The following LTBP1 variants were observed in gnomAD, a reference collection of about 807,000 sequenced individuals.
The protein encoded by LTBP1 is latent-transforming growth factor beta-binding protein 1.
A neutral mutation model predicts 207.6 loss-of-function variants in LTBP1; 129 were observed. That is an observed-to-expected ratio of 0.62 (90% CI 0.54 to 0.72). The LOEUF (loss-of-function observed/expected upper bound fraction) is 0.72. Among genes scored for constraint, LTBP1 ranks in the 30% least tolerant of loss-of-function variants. LTBP1 has a pLI of 0.00. For missense variants in LTBP1, 2,281 were observed against 2,217.2 expected (o/e 1.03, Z -0.58); for synonymous variants, 963 against 833.7 (o/e 1.16, Z -2.67).
chr2:33,309,762 G>A (rs1032632725), intron 23 of LTBP1, among the ~76,000 whole-genome samples: 2 of 152,174 alleles, frequency 1.3e-5, no homozygotes, highest in Non-Finnish European at 2.9e-5. Context: ...AAACTCACAC[G>A]AGTAAGAGCT....
intron 3 of LTBP1, among the ~76,000 whole-genome samples, chr2:33,055,190 G>A (rs1437687717): frequency 6.6e-6 from 1 of 152,106 alleles, no homozygotes. Flanking sequence ...TTTGTTCAGG[G>A]CCCAGGGCTT....
intron 5 of LTBP1, among the ~76,000 whole-genome samples, chr2:33,142,101 G>T (rs2150782130): frequency 6.6e-6 from 1 of 152,168 alleles, no homozygotes; most frequent in South Asian, 2.1e-4. Flanking sequence ...TCCCAGGCTG[G>T]AGTGCAGTGG....
At chr2:33,323,721 T>C (rs1478957010) in intron 24 of LTBP1, among the ~76,000 whole-genome samples, 2 of 152,164 alleles carry the variant, frequency 1.3e-5, no homozygotes, top group Non-Finnish European at 2.9e-5. Flanking sequence ...ATTTGGCAAA[T>C]GAATCAAGGG....
intron 3 of LTBP1, among the ~76,000 whole-genome samples, chr2:33,057,294 A>C (rs186367847): frequency 1.3e-5 from 2 of 152,136 alleles, no homozygotes; most frequent in African/African-American, 2.4e-5. Context: ...TCATTGGTGT[A>C]TTTACAATCC....
rs149067144 is a variant in LTBP1 at position 33,027,692 on chromosome 2, C to T, written c.863+6486C>T. On this transcript the variant is annotated intron_variant, in intron 3 of 33. Coordinates refer to ENST00000404816, the MANE Select transcript of LTBP1 (RefSeq NM_206943.4). ...CTACTAAAAAAAATACAAAAATTAGCGGGGCGTGGTGGCATGCGCCTGTAG... is the reference window on the plus strand; with the variant it reads ...CTACTAAAAAAAATACAAAAATTAGTGGGGCGTGGTGGCATGCGCCTGTAG... Among the ~76,000 whole-genome samples the T allele has an allele frequency of 7.1e-3, 1,076 of 152,104 alleles. 10 individuals are homozygous for T. The highest frequency in any genetic ancestry group is 0.024 in the African/African-American group (1,014 of 41,480).
At chr2:33,261,746 T>C (rs1011807507) in intron 13 of LTBP1, among the ~76,000 whole-genome samples, 5 of 152,332 alleles carry the variant, frequency 3.3e-5, no homozygotes, top group Admixed American at 3.3e-4. Flanking sequence ...GTGGGATATC[T>C]AAATGGACTT....
intron 3 of LTBP1, among the ~76,000 whole-genome samples, chr2:33,023,184 A>C (rs2075257168): frequency 2.6e-5 from 4 of 152,212 alleles, no homozygotes; most frequent in Admixed American, 2.6e-4. Context: ...TTGGCGATCA[A>C]GAGTCAGATT....
intron 3 of LTBP1, among the ~76,000 whole-genome samples, chr2:33,047,422 G>A (rs776936467): frequency 3.9e-5 from 6 of 152,192 alleles, no homozygotes; most frequent in Non-Finnish European, 5.9e-5. Flanking sequence ...TAGTTGTGCG[G>A]TTTTGAGTGA....
At chr2:33,003,319 T>C (rs1299034557) in intron 2 of LTBP1, among the ~76,000 whole-genome samples, 1 of 152,236 alleles carries the variant, frequency 6.6e-6, no homozygotes, top group African/African-American at 2.4e-5. Flanking sequence ...CTAACTTCAC[T>C]CCCTGCTTTG....
chr2:32,975,621 T>TTTTTTTG (rs1558461916), intron 2 of LTBP1, among the ~76,000 whole-genome samples: 2 of 87,070 alleles, frequency 2.3e-5, no homozygotes, highest in African/African-American at 8.2e-5. Context: ...TTTTTTTTTT[T>TTTTTTTG]GTCTGACTGG....
chr2:33,192,043 T>C (rs4670928), intron 7 of LTBP1, among the ~76,000 whole-genome samples: 67,962 of 151,854 alleles, frequency 0.45, 15,834 homozygotes, highest in Non-Finnish European at 0.5. Flanking sequence ...GGATGATTGA[T>C]GAGGAAACCA....
intron 7 of LTBP1, among the ~76,000 whole-genome samples, chr2:33,192,121 A>G (rs1396841062): frequency 6.6e-6 from 1 of 152,170 alleles, no homozygotes; most frequent in Non-Finnish European, 1.5e-5. Flanking sequence ...ATGGGCAGGG[A>G]AGAGTTGTCA....
intron 3 of LTBP1, among the ~76,000 whole-genome samples, chr2:33,108,504 C>T (rs754362526): frequency 6.6e-6 from 1 of 152,022 alleles, no homozygotes; most frequent in Non-Finnish European, 1.5e-5. Flanking sequence ...AGGGCCCGTC[C>T]ACATGTATGC....
chr2:33,083,340 T>A (rs919157876), intron 3 of LTBP1, among the ~76,000 whole-genome samples: 51 of 151,876 alleles, frequency 3.4e-4, no homozygotes, highest in African/African-American at 1.2e-3. Flanking sequence ...GAAAAAAAAA[T>A]TAGATCATTT....
chr2:33,083,424 G>GTT (rs1187470785), intron 3 of LTBP1, among the ~76,000 whole-genome samples: 1 of 152,118 alleles, frequency 6.6e-6, no homozygotes, highest in Non-Finnish European at 1.5e-5. Flanking sequence ...AGGAGTCCAG[G>GTT]CTTCACTGGG....
rs562321534 is a variant in LTBP1 at position 33,389,045 on chromosome 2, C to T, written c.4712-139C>T. 20 of 1,187,632 alleles carry T rather than the reference C, an allele frequency of 1.7e-5. No individual in the cohort carries two copies. In the Middle Eastern group the frequency reaches 8.6e-4, roughly 51 times the overall value. The allele number at this position is 1,187,632 out of a possible 1,614,324, so 73.6% of individuals were successfully genotyped here. A position where few individuals can be genotyped will look rare whatever the true frequency, so the allele number is the denominator to read the frequency against. Reference sequence around the variant, plus strand: ...CCATCAAAAGATATTCAGACACTTTCCAGGCTCAGTGGTACGCAGGAGATG... The same window carrying T: ...CCATCAAAAGATATTCAGACACTTTTCAGGCTCAGTGGTACGCAGGAGATG... On this transcript the variant is annotated intron_variant, in intron 31 of 33. Coordinates refer to ENST00000404816, the MANE Select transcript of LTBP1 (RefSeq NM_206943.4).
chr2:33,330,108 C>G (rs973487465), intron 24 of LTBP1, among the ~76,000 whole-genome samples: 1 of 151,912 alleles, frequency 6.6e-6, no homozygotes, highest in African/African-American at 2.4e-5. Flanking sequence ...AGACTTATTC[C>G]TAGGTCTTCA....
rs1219686969 is a variant in LTBP1, at chr2:33,175,066, C to G, written c.1202-11790C>G. Reference sequence around the variant, plus strand: ...AACCATAGAAACCCTAGAAGAAAACCTAGGCATTACCATTCAGGACATAGG... The same window carrying G: ...AACCATAGAAACCCTAGAAGAAAACGTAGGCATTACCATTCAGGACATAGG... On this transcript the variant is annotated intron_variant, in intron 5 of 33. Transcript: ENST00000404816. Among the ~76,000 whole-genome samples, 3 of 152,040 alleles carry G rather than the reference C, an allele frequency of 2.0e-5. No homozygotes were observed. The East Asian group carries it at 5.8e-4, about 29-fold the overall frequency.
intron 5 of LTBP1, among the ~76,000 whole-genome samples, chr2:33,151,396 C>T (rs191758970): frequency 5.3e-5 from 8 of 152,314 alleles, no homozygotes; most frequent in African/African-American, 1.4e-4. Context: ...ATTTTCTCTA[C>T]ATCCTTGACA....
Sources: gnomAD v4.1 joint callset for allele counts (sites outside exome capture counted in the v4.1 genomes callset) on GRCh38, gnomAD v4.1.1 for gene constraint, MANE v1.5 for transcripts, NCBI Gene and HGNC (gene_info 2026-07-23, HGNC 2026-07-21) for gene names.